ERC1: variants seen among roughly 807,000 people sequenced by gnomAD.
The protein encoded by ERC1 is ELKS/RAB6-interacting/CAST family member 1.
In ERC1, 56 loss-of-function variants were observed where a neutral mutation model predicts 132.0. The observed-to-expected ratio is 0.42, with a 90% CI of 0.34 to 0.53. ERC1 has a LOEUF of 0.53. Ranked by LOEUF, ERC1 falls within the 20% of genes least tolerant of loss-of-function variation. The probability of loss-of-function intolerance (pLI) is 0.03; values close to 1 mark genes in which losing one functional copy is unlikely to be tolerated. For synonymous variants in ERC1, 478 were observed against 476.1 expected (o/e 1.00, Z -0.05); for missense variants, 1,202 against 1,349.9 (o/e 0.89, Z 1.72).
intron 8 of ERC1, among the ~76,000 whole-genome samples, chr12:1,178,489 A>C (rs933527329): frequency 1.3e-5 from 2 of 151,820 alleles, no homozygotes; most frequent in African/African-American, 2.4e-5. Context: ...ATAATGATTG[A>C]TAGATAGAGG....
At chr12:1,297,764 A>C (rs973932034) in intron 15 of ERC1, among the ~76,000 whole-genome samples, 3 of 151,984 alleles carry the variant, frequency 2.0e-5, no homozygotes, top group Non-Finnish European at 2.9e-5. Context: ...ACATATAGAA[A>C]ATGTATTTTT....
chr12:1,313,158 A>G (rs779277045), intron 15 of ERC1, among the ~76,000 whole-genome samples: 4 of 152,040 alleles, frequency 2.6e-5, no homozygotes, highest in Non-Finnish European at 5.9e-5. Flanking sequence ...TGCTTGCAAA[A>G]TGGTGGCATA....
intron 13 of ERC1, 50 bp downstream of exon 13, chr12:1,236,954 G>A (rs200799274): frequency 4.4e-6 from 7 of 1,591,530 alleles, no homozygotes; most frequent in South Asian, 2.2e-5. Flanking sequence ...CATTTGATCC[G>A]TAATCGCATG....
intron 3 of ERC1, among the ~76,000 whole-genome samples, chr12:1,098,686 G>C (rs1311732225): frequency 1.3e-5 from 2 of 152,226 alleles, no homozygotes; most frequent in Admixed American, 1.3e-4. Flanking sequence ...TAAAATAAGT[G>C]TGAGTTGCCT....
chr12:1,396,680 G>A (rs1023338800), intron 16 of ERC1, among the ~76,000 whole-genome samples: 1 of 152,178 alleles, frequency 6.6e-6, no homozygotes, highest in Non-Finnish European at 1.5e-5. Context: ...CAAAGAGGGG[G>A]CTGAAAGATA....
At chr12:1,207,010 G>C (rs763763190) in intron 12 of ERC1, among the ~76,000 whole-genome samples, 50 of 151,950 alleles carry the variant, frequency 3.3e-4, no homozygotes, top group Non-Finnish European at 6.3e-4. Flanking sequence ...GGCATAAAAG[G>C]GTTAAGACCA....
chr12:1,119,359 A>G (rs952131062), intron 7 of ERC1, among the ~76,000 whole-genome samples: 1 of 151,856 alleles, frequency 6.6e-6, no homozygotes, highest in East Asian at 1.9e-4. Context: ...TTTTGTAACC[A>G]TCTCTTTTAA....
intron 6 of ERC1, among the ~76,000 whole-genome samples, chr12:1,115,296 A>G (rs993365035): frequency 6.6e-6 from 1 of 152,266 alleles, no homozygotes; most frequent in African/African-American, 2.4e-5. Context: ...ATTTTACAAA[A>G]CCATGTTATG....
intron 18 of ERC1, among the ~76,000 whole-genome samples, chr12:1,465,878 G>C (rs1486323021): frequency 6.6e-6 from 1 of 152,170 alleles, no homozygotes; most frequent in Non-Finnish European, 1.5e-5. Context: ...GCTGATGCTG[G>C]GGCCACTGCC....
intron 12 of ERC1, among the ~76,000 whole-genome samples, chr12:1,198,308 G>T (rs542554459): frequency 6.6e-6 from 1 of 152,248 alleles, no homozygotes; most frequent in African/African-American, 2.4e-5. Context: ...AGGTTATTTG[G>T]TTGGAAGGCT....
chr12:1,175,578 G>A (rs1953613321), intron 8 of ERC1, among the ~76,000 whole-genome samples: 1 of 150,914 alleles, frequency 6.6e-6, no homozygotes, highest in South Asian at 2.1e-4. Context: ...TTGTTGCCCG[G>A]GCTGGAGTGC....
chr12:1,104,502 G>C lies in ERC1; in HGVS notation c.1087-248G>C, dbSNP rs1025528070. 2.0e-5 allele frequency among the ~76,000 whole-genome samples: 3 copies of C among 152,140 alleles called. No individual in the cohort carries two copies. In the South Asian group the frequency reaches 6.2e-4, roughly 32 times the overall value. ...GTAGTTTCAGCTGTTATGGTAGCTC[G>C]TGTCTGTGTGACTGATTTTAAATAA... is the stretch of plus-strand genomic sequence containing the variant. On this transcript the variant is annotated intron_variant, in intron 3 of 18. Coordinates refer to ENST00000360905, the MANE Select transcript of ERC1 (RefSeq NM_178040.4).
intron 16 of ERC1, among the ~76,000 whole-genome samples, chr12:1,388,349 A>AG (rs1660016728): frequency 7.6e-6 from 1 of 132,428 alleles, no homozygotes; most frequent in African/African-American, 3.4e-5. Flanking sequence ...CTGTCTCAAA[A>AG]AAAAAAAAAA....
At chr12:1,102,200 A>T (rs1944744055) in intron 3 of ERC1, among the ~76,000 whole-genome samples, 1 of 152,138 alleles carries the variant, frequency 6.6e-6, no homozygotes, top group South Asian at 2.1e-4. Context: ...TTAGGTTTAG[A>T]AACAAGGAGG....
intron 1 of ERC1, among the ~76,000 whole-genome samples, chr12:1,005,905 T>G (rs1445322181): frequency 6.6e-6 from 1 of 151,926 alleles, no homozygotes; most frequent in East Asian, 1.9e-4. Context: ...TTAAAATTCT[T>G]ATTATTATTA....
chr12:1,425,123 A>G (rs2092594894), intron 17 of ERC1, among the ~76,000 whole-genome samples: 1 of 152,082 alleles, frequency 6.6e-6, no homozygotes, highest in Admixed American at 6.6e-5. Context: ...ACAGGGTTAG[A>G]ATTCTTTGCT....
At chr12:1,121,779 ATCTATCTCTATC>A (rs1257637114) in intron 7 of ERC1, among the ~76,000 whole-genome samples, 1 of 5,112 alleles carries the variant, frequency 2.0e-4, no homozygotes, top group Admixed American at 2.3e-3. Flanking sequence ...CTCTATCTCT[ATCTATCTCTATC>A]TCTATCTCTA....
chr12:1,227,263 C>T (rs150719840), intron 12 of ERC1, among the ~76,000 whole-genome samples: 2 of 152,302 alleles, frequency 1.3e-5, no homozygotes, highest in East Asian at 3.9e-4. Context: ...TACCAGGATT[C>T]TCTTTTCTCC....
intron 2 of ERC1, among the ~76,000 whole-genome samples, chr12:1,056,462 C>G (rs1040952938): frequency 6.6e-6 from 1 of 152,028 alleles, no homozygotes; most frequent in Admixed American, 6.6e-5. Context: ...GGTCCTGGTT[C>G]TGCGGTGGAA....
Sources: allele counts gnomAD v4.1 joint callset (sites outside exome capture counted in the v4.1 genomes callset), GRCh38; gene constraint gnomAD v4.1.1; transcripts MANE v1.5; gene names NCBI Gene and HGNC (gene_info 2026-07-23, HGNC 2026-07-21).